Variants in TPX2 observed in about 807,000 individuals in gnomAD.
TPX2 encodes the protein targeting protein for Xklp2.
Under a neutral mutation model 93.6 loss-of-function variants are expected in TPX2, and 21 were observed. The ratio of observed to expected loss-of-function variants is 0.22; its 90% CI spans 0.16 to 0.32. TPX2 has a LOEUF of 0.32. TPX2 is among the 10% of genes least tolerant of loss of function. The pLI is 1.00. For synonymous variants in TPX2, 281 were observed against 298.3 expected (o/e 0.94, Z 0.60); for missense variants, 776 against 871.1 (o/e 0.89, Z 1.37).
In TPX2 at chr20:31,800,815, C is replaced by T. The variant is rs140195709; in HGVS notation, c.2134-155C>T. Among the ~76,000 whole-genome samples, 119 of 152,290 alleles carry T rather than the reference C, an allele frequency of 7.8e-4. 3 individuals are homozygous for T. In the East Asian group the frequency reaches 0.015, roughly 20 times the overall value. ...AAGCACATACACTTTTCCATCATAC[C>T]GTGTTGCCCCCCAGGCCCCACTCCC... On this transcript the variant is annotated intron_variant, in intron 17 of 17. Transcript: ENST00000300403.
At chr20:31,794,755 AGTGTGTGTGTGTGTGTGTGT>A (rs35018680) in intron 15 of TPX2, among the ~76,000 whole-genome samples, 1 of 145,496 alleles carries the variant, frequency 6.9e-6, no homozygotes, top group African/African-American at 2.5e-5. Flanking sequence ...TCTGTCGCAT[AGTGTGTGTGTGTGTGTGTGT>A]GTGTGTGTGT....
At chr20:31,783,371 C>T (rs1464733469) in intron 11 of TPX2, among the ~76,000 whole-genome samples, 3 of 152,070 alleles carry the variant, frequency 2.0e-5, no homozygotes, top group Non-Finnish European at 4.4e-5. Flanking sequence ...CTGCCTCAGC[C>T]TCCCTAGTAG....
Position 31,793,864 on chromosome 20 carries a change from T to G in TPX2, c.1526T>G (p.Val509Gly), listed in dbSNP as rs139533740. ...TKEDEEEDEP[V>G]VIKAQPVPHY... ...TTTCCCTAGGAAGAGGACGAACCGG[T>G]AGTGATAAAAGCTCAACCTGTGCCA... Residue 509 changes from valine to glycine, a missense_variant, in exon 14 of 18, where the codon GTA becomes GGA. By Grantham distance (109) the Val-to-Gly change is moderately radical (BLOSUM62 -3). This residue lies in a region of TPX2 where 461 missense variants were observed against 551.2 expected (regional missense o/e 0.84). Transcript: ENST00000300403. The G allele has an allele frequency of 3.1e-6, 5 of 1,602,566 alleles. No individual in the cohort carries two copies. The East Asian group carries it at 8.9e-5, about 29-fold the overall frequency.
At position 31,798,323 on chromosome 20, in the gene TPX2, G is replaced by A. The variant is rs773595292; in HGVS notation, c.1946-42G>A. 11 of 1,612,800 alleles carry A rather than the reference G, an allele frequency of 6.8e-6. No individual in the cohort carries two copies. In the Admixed American group the frequency reaches 1.2e-4, roughly 17 times the overall value. ...TTCCAGGGGGCGTAGGTTTATGCAA[G>A]TCCTGCTTGTGCACCAATATTTTTT... On this transcript the variant is annotated intron_variant, in intron 16 of 17. Transcript: ENST00000300403.
intron 17 of TPX2, among the ~76,000 whole-genome samples, chr20:31,799,789 A>G (rs1471873881): frequency 6.6e-6 from 1 of 150,624 alleles, no homozygotes; most frequent in Non-Finnish European, 1.5e-5. Context: ...AATCCCAGCT[A>G]CTCGGGAGGC....
chr20:31,782,490 A>C (rs2062039265), intron 11 of TPX2, 100 bp downstream of exon 11: 1 of 1,469,908 alleles, frequency 6.8e-7, no homozygotes, highest in Non-Finnish European at 9.1e-7. Context: ...TTTCCGTAAA[A>C]ATTTATGGCA....
chr20:31,753,475 A>G (rs144357312), intron 2 of TPX2, among the ~76,000 whole-genome samples: 1 of 152,310 alleles, frequency 6.6e-6, no homozygotes, highest in East Asian at 1.9e-4. Flanking sequence ...CATGATCCTT[A>G]GGATTTTTGT....
At position 31,777,704 on chromosome 20, in the gene TPX2, T is replaced by A. The variant is rs372026289; in HGVS notation, c.882+66T>A. ...TCATTTAGGATTTTACGTGTAGCAT[T>A]TGTGGTCACTGTTTATAATAGTATA... On this transcript the variant is annotated intron_variant, in intron 9 of 17. Transcript: ENST00000300403. 100 of 1,539,570 alleles carry A rather than the reference T, an allele frequency of 6.5e-5. 3 individuals are homozygous for A. The East Asian group carries it at 8.8e-4, about 14-fold the overall frequency.
At position 31,766,561 on chromosome 20, in the gene TPX2, A is replaced by G. The variant is rs780125003; in HGVS notation, c.235A>G (p.Asn79Asp). 5.1e-5 allele frequency: 83 copies of G among 1,612,164 alleles called. No individual in the cohort carries two copies. Among genetic ancestry groups the G allele is most frequent in the Admixed American group, 3.0e-4 (18 of 59,632 alleles). Residue 79 changes from asparagine to aspartate, a missense_variant, in exon 5 of 18, where the codon AAC becomes GAC. Asn to Asp is a conservative substitution (Grantham distance 23). Coordinates refer to ENST00000300403, the MANE Select transcript of TPX2 (RefSeq NM_012112.5). Reference protein sequence around the residue: ...AIVTPLKPVDNTYYKEAEKEN... With the variant: ...AIVTPLKPVDDTYYKEAEKEN... ...TAGCTTTTGGTCTTCCGCAGTTGAC[A>G]ACACTTACTACAAAGAGGCAGAAAA...
intron 7 of TPX2, among the ~76,000 whole-genome samples, chr20:31,772,503 G>A (rs1239357831): frequency 6.6e-6 from 1 of 152,144 alleles, no homozygotes; most frequent in African/African-American, 2.4e-5. Context: ...TACTGTTGAA[G>A]CAAATTTAAA....
chr20:31,756,015 C>G (rs558837499), intron 2 of TPX2, among the ~76,000 whole-genome samples: 5 of 152,330 alleles, frequency 3.3e-5, no homozygotes, highest in African/African-American at 1.2e-4. Context: ...TGTTGTGACT[C>G]TTACGTGTAT....
At chr20:31,793,451 C>T (rs2062115672) in intron 13 of TPX2, among the ~76,000 whole-genome samples, 1 of 152,180 alleles carries the variant, frequency 6.6e-6, no homozygotes, top group Admixed American at 6.5e-5. Context: ...TGAACCCAAA[C>T]AACTTGGGTT....
chr20:31,752,569 G>A (rs776398474), intron 2 of TPX2, among the ~76,000 whole-genome samples: 3 of 152,114 alleles, frequency 2.0e-5, no homozygotes, highest in Non-Finnish European at 4.4e-5. Flanking sequence ...GGACCTTAGC[G>A]TCTATGTAGA....
chr20:31,784,861 C>T (rs1325872201), intron 12 of TPX2, among the ~76,000 whole-genome samples: 4 of 152,164 alleles, frequency 2.6e-5, no homozygotes, highest in Admixed American at 2.6e-4. Flanking sequence ...AGTTACATTT[C>T]AGTGCAGATG....
chr20:31,795,972 G>A (rs905805765), intron 15 of TPX2, among the ~76,000 whole-genome samples: 1 of 152,100 alleles, frequency 6.6e-6, no homozygotes, highest in African/African-American at 2.4e-5. Context: ...AGTTGTAATG[G>A]CTTACATGAC....
At chr20:31,752,614 T>C (rs1037129116) in intron 2 of TPX2, among the ~76,000 whole-genome samples, 8 of 152,048 alleles carry the variant, frequency 5.3e-5, no homozygotes, top group East Asian at 1.9e-4. Flanking sequence ...CTACATCTAC[T>C]TTTTTTTCTT....
At chr20:31,782,766 G>A (rs2062040903) in intron 11 of TPX2, among the ~76,000 whole-genome samples, 1 of 151,978 alleles carries the variant, frequency 6.6e-6, no homozygotes, top group Non-Finnish European at 1.5e-5. Context: ...GGTGGCATGC[G>A]TCTGTAGTCC....
rs534886627 is a variant in TPX2 at position 31,769,109 on chromosome 20, A to G, written c.357-1234A>G. Among the ~76,000 whole-genome samples the G allele has an allele frequency of 2.9e-3, 447 of 152,242 alleles. 1 individual carries two copies. The highest frequency in any genetic ancestry group is 4.9e-3 in the Non-Finnish European group (333 of 68,010). On this transcript the variant is annotated intron_variant, in intron 5 of 17. Coordinates refer to ENST00000300403, the MANE Select transcript of TPX2 (RefSeq NM_012112.5). ...ACTTGTAGTAGTGTGGTTACATTAT[A>G]CAAAATTTTTGGGTGCAGCACACCA...
In TPX2 at chr20:31,757,454, T is replaced by C. The variant is rs765081872; in HGVS notation, c.-23T>C. ...GGTACAAATACTGGGAAAAACCTGC[T>C]CTTCTGCGTTAAGTGGGAGACAATG... On this transcript the variant is annotated 5_prime_UTR_variant, in exon 3 of 18. Coordinates refer to ENST00000300403, the MANE Select transcript of TPX2 (RefSeq NM_012112.5). The C allele has an allele frequency of 2.5e-6, 4 of 1,594,750 alleles. No homozygotes were observed. Among genetic ancestry groups the C allele is most frequent in the Non-Finnish European group, 3.4e-6 (4 of 1,164,118 alleles).
Sources: allele counts gnomAD v4.1 joint callset (sites outside exome capture counted in the v4.1 genomes callset), GRCh38; gene constraint gnomAD v4.1.1; regional missense constraint gnomAD v4.1.1; transcripts MANE v1.5; gene names NCBI Gene and HGNC (gene_info 2026-07-23, HGNC 2026-07-21).